PGM5: variants seen among roughly 807,000 people sequenced by gnomAD.
PGM5 encodes phosphoglucomutase 5, also known as phosphoglucomutase-like protein 5.
Under a neutral mutation model 59.2 loss-of-function variants are expected in PGM5, and 23 were observed. The ratio of observed to expected loss-of-function variants is 0.39; its 90% CI spans 0.28 to 0.55. PGM5 has a LOEUF of 0.55. PGM5 is among the 20% of genes least tolerant of loss of function. The pLI, the probability that PGM5 is intolerant of heterozygous loss-of-function variation, is 0.66. For missense variants in PGM5, 574 were observed against 748.3 expected (o/e 0.77, Z 2.72); for synonymous variants, 214 against 286.0 (o/e 0.75, Z 2.54).
intron 7 of PGM5, among the ~76,000 whole-genome samples, chr9:68,475,262 T>G (rs1167748410): frequency 6.7e-6 from 1 of 149,978 alleles, no homozygotes; most frequent in African/African-American, 2.5e-5. Flanking sequence ...CTCAAACTCC[T>G]GACCTCAGGT....
intron 6 of PGM5, among the ~76,000 whole-genome samples, chr9:68,435,770 C>G (rs1823433434): frequency 6.6e-6 from 1 of 152,124 alleles, no homozygotes; most frequent in Non-Finnish European, 1.5e-5. Flanking sequence ...TTTCTTTTCT[C>G]TGTATCCTGT....
Position 68,387,498 on chromosome 9 carries a change from C to G in PGM5, c.607C>G (p.Leu203Val). ...GGACCCAGTGGATATCTATCTTAAC[C>G]TCCTTCGGACCATCTTTGACTTTCA... ...IVDPVDIYLN[L>V]LRTIFDFHAI... is the part of the protein sequence containing the mutation. The change falls in exon 4 of 11, where the codon CTC becomes GTC. Residue 203 changes from leucine (L) to valine (V), a missense_variant. Physicochemically the swap from Leu to Val is conservative, Grantham distance 32 (BLOSUM62 1). This residue lies in a region of PGM5 where 103 missense variants were observed against 112.4 expected (regional missense o/e 0.92). Coordinates refer to ENST00000396396, the MANE Select transcript of PGM5 (RefSeq NM_021965.4). 6.2e-7 allele frequency: 1 copy of G among 1,611,836 alleles called. No individual in the cohort carries two copies. Among genetic ancestry groups the G allele is most frequent in the Non-Finnish European group, 8.5e-7 (1 of 1,178,300 alleles).
At chr9:68,399,989 C>T (rs1554680436) in intron 6 of PGM5, among the ~76,000 whole-genome samples, 1 of 152,076 alleles carries the variant, frequency 6.6e-6, no homozygotes, top group Non-Finnish European at 1.5e-5. Flanking sequence ...TAGAAGGATC[C>T]CTTAAATGTT....
chr9:68,371,589 C>A (rs1383554952), intron 1 of PGM5: 1 of 151,934 alleles, frequency 6.6e-6, no homozygotes, highest in Admixed American at 6.6e-5. Flanking sequence ...TTTTAACAAC[C>A]CTCTTCTTTC....
chr9:68,470,580 A>G (rs1824003104), intron 7 of PGM5, among the ~76,000 whole-genome samples: 1 of 152,266 alleles, frequency 6.6e-6, no homozygotes, highest in Non-Finnish European at 1.5e-5. Context: ...GGTAAAATAT[A>G]GGAAAACTTT....
rs573298370 is a variant in PGM5 at position 68,427,129 on chromosome 9, T to C, written c.1043+34656T>C. Among the ~76,000 whole-genome samples, 11 of 152,322 alleles carry C rather than the reference T, an allele frequency of 7.2e-5. No individual in the cohort carries two copies. The South Asian group carries it at 2.1e-3, about 29-fold the overall frequency. On this transcript the variant is annotated intron_variant, in intron 6 of 10. Transcript: ENST00000396396. The stretch of plus-strand genomic sequence containing the variant: ...GGCAAATGTGACACAGGTGGCCTCA[T>C]CAGCCTAGCAAGCAGAGCCCCCCTG...
At position 68,400,375 on chromosome 9, in the gene PGM5, G is replaced by A. The variant is rs565979290; in HGVS notation, c.1043+7902G>A. ...CTGCTTACAGTTTCCCAAATTTGATGCCCTCACATTTCTGTGCCTTTGCAT... is the reference window on the plus strand; with the variant it reads ...CTGCTTACAGTTTCCCAAATTTGATACCCTCACATTTCTGTGCCTTTGCAT... On this transcript the variant is annotated intron_variant, in intron 6 of 10. Transcript: ENST00000396396. Among the ~76,000 whole-genome samples, 249 of 152,150 alleles carry A rather than the reference G, an allele frequency of 1.6e-3. 2 individuals are homozygous for A. The highest frequency in any genetic ancestry group is 5.4e-3 in the South Asian group (26 of 4,818).
chr9:68,372,466 A>G (rs1821761473), intron 1 of PGM5, among the ~76,000 whole-genome samples: 1 of 152,000 alleles, frequency 6.6e-6, no homozygotes, highest in South Asian at 2.1e-4. Context: ...TAGCTGGCTG[A>G]TCATTTGGGG....
intron 2 of PGM5, among the ~76,000 whole-genome samples, chr9:68,379,029 G>A (rs4014839): frequency 7.9e-5 from 12 of 151,746 alleles, no homozygotes; most frequent in East Asian, 1.9e-4. Flanking sequence ...ATTATAGCAC[G>A]AGAACATTTC....
intron 9 of PGM5, among the ~76,000 whole-genome samples, chr9:68,496,417 C>G (rs1824483575): frequency 6.6e-6 from 1 of 152,200 alleles, no homozygotes; most frequent in Non-Finnish European, 1.5e-5. Context: ...CCCTTACATT[C>G]CATGTGGAGA....
At chr9:68,520,539 T>C (rs75698575) in intron 10 of PGM5, among the ~76,000 whole-genome samples, 1 of 152,334 alleles carries the variant, frequency 6.6e-6, no homozygotes, top group East Asian at 1.9e-4. Flanking sequence ...ACTCAACGTG[T>C]AAATTCTTTT....
At chr9:68,372,927 A>G (rs1211172693) in intron 1 of PGM5, among the ~76,000 whole-genome samples, 2 of 152,168 alleles carry the variant, frequency 1.3e-5, no homozygotes, top group Non-Finnish European at 2.9e-5. Context: ...GTGCTAGACC[A>G]TTCATGAGGG....
chr9:68,376,475 C>CTCTGTGTGTG (rs1554677649), intron 1 of PGM5, among the ~76,000 whole-genome samples: 7 of 129,570 alleles, frequency 5.4e-5, no homozygotes, highest in Non-Finnish European at 9.8e-5. Context: ...TGCTTTTGAG[C>CTCTGTGTGTG]TGTGTGTGTG....
chr9:68,406,907 G>A (rs1292988413), intron 6 of PGM5, among the ~76,000 whole-genome samples: 3 of 151,002 alleles, frequency 2.0e-5, no homozygotes, highest in Non-Finnish European at 4.4e-5. Context: ...CTCAGGCCCC[G>A]TCTTCCACAT....
At chr9:68,485,094 C>T (rs1824273633) in intron 9 of PGM5, among the ~76,000 whole-genome samples, 1 of 152,158 alleles carries the variant, frequency 6.6e-6, no homozygotes, top group Non-Finnish European at 1.5e-5. Context: ...TTGCAAGAAG[C>T]TTGTCTGTTG....
At chr9:68,429,538 T>A (rs1823307869) in intron 6 of PGM5, among the ~76,000 whole-genome samples, 1 of 152,248 alleles carries the variant, frequency 6.6e-6, no homozygotes, top group Non-Finnish European at 1.5e-5. Flanking sequence ...TCATTACTCT[T>A]ACAGCCTTCA....
chr9:68,368,418 C>T (rs1406707114), intron 1 of PGM5, among the ~76,000 whole-genome samples: 6 of 151,156 alleles, frequency 4.0e-5, no homozygotes, highest in Admixed American at 2.0e-4. Flanking sequence ...GGTAGCAAGC[C>T]GGTTCGGCAG....
intron 6 of PGM5, among the ~76,000 whole-genome samples, chr9:68,439,945 T>C (rs1189317189): frequency 6.6e-6 from 1 of 152,090 alleles, no homozygotes; most frequent in Admixed American, 6.6e-5. Flanking sequence ...CAACAGTATA[T>C]ACAAAACTTG....
chr9:68,441,882 A>G (rs1273872601), intron 6 of PGM5, among the ~76,000 whole-genome samples: 1 of 152,236 alleles, frequency 6.6e-6, no homozygotes, highest in Non-Finnish European at 1.5e-5. Context: ...GTCAGAGGAT[A>G]CAAAATCAAT....
Sources: allele counts gnomAD v4.1 joint callset (sites outside exome capture counted in the v4.1 genomes callset), GRCh38; gene constraint gnomAD v4.1.1; regional missense constraint gnomAD v4.1.1; transcripts MANE v1.5; gene names NCBI Gene and HGNC (gene_info 2026-07-23, HGNC 2026-07-21).